MGAT4C: variants seen among roughly 807,000 people sequenced by gnomAD.
MGAT4C encodes alpha-1,3-mannosyl-glycoprotein 4-beta-N-acetylglucosaminyltransferase C.
In MGAT4C, 19 loss-of-function variants were observed where a neutral mutation model predicts 40.1. The ratio of observed to expected loss-of-function variants is 0.47; its 90% CI spans 0.33 to 0.70. The LOEUF is 0.70. Ranked by LOEUF, MGAT4C falls within the 30% of genes least tolerant of loss-of-function variation. MGAT4C has a pLI of 0.02. For synonymous variants in MGAT4C, 181 were observed against 187.1 expected (o/e 0.97, Z 0.27); for missense variants, 491 against 563.2 (o/e 0.87, Z 1.30).
chr12:86,078,136 A>C (rs892379113), intron 1 of MGAT4C, among the ~76,000 whole-genome samples: 1 of 152,138 alleles, frequency 6.6e-6, no homozygotes, highest in Non-Finnish European at 1.5e-5. Flanking sequence ...GGACCCATAA[A>C]TCATGGCTAT....
At chr12:86,822,564 A>ACT (rs1555233832) in intron 1 of MGAT4C, among the ~76,000 whole-genome samples, 2 of 83,868 alleles carry the variant, frequency 2.4e-5, no homozygotes, top group African/African-American at 6.4e-5. Flanking sequence ...GACAAAATAG[A>ACT]CTTCAAGTCA....
At chr12:86,781,084 A>C (rs1951832619) in intron 1 of MGAT4C, among the ~76,000 whole-genome samples, 1 of 151,936 alleles carries the variant, frequency 6.6e-6, no homozygotes, top group Non-Finnish European at 1.5e-5. Context: ...ATAGACACTT[A>C]GCTCTATGCC....
rs147190896 is a variant in MGAT4C at position 85,989,358 on chromosome 12, T to C, written c.147+42A>G. The C allele has an allele frequency of 2.4e-5, 36 of 1,513,120 alleles. No individual in the cohort carries two copies. The East Asian group carries it at 2.6e-4, about 11-fold the overall frequency. The allele number at this position is 1,513,120 out of a possible 1,614,324, so 93.7% of individuals were successfully genotyped here. A position where few individuals can be genotyped will look rare whatever the true frequency, so the allele number is the denominator to read the frequency against. Reference sequence around the variant, plus strand: ...ATGGGACTAATTCTTGTTTGACTTATGCCTTATTTTGAAGAAAAGACAATC... The same window carrying C: ...ATGGGACTAATTCTTGTTTGACTTACGCCTTATTTTGAAGAAAAGACAATC... On this transcript the variant is annotated intron_variant, in intron 3 of 4. Transcript: ENST00000611864.
At chr12:86,717,667 T>G (rs765458931) in intron 2 of MGAT4C, among the ~76,000 whole-genome samples, 15 of 152,032 alleles carry the variant, frequency 9.9e-5, no homozygotes, top group Non-Finnish European at 2.1e-4. Context: ...CAATGGAAGA[T>G]AACATAAAAA....
chr12:86,200,127 G>GTTTTTTTTTTTTTTTTTTTTTT (rs56844963), intron 1 of MGAT4C, among the ~76,000 whole-genome samples: 3 of 102,352 alleles, frequency 2.9e-5, no homozygotes, highest in East Asian at 3.1e-4. Context: ...GTATGTATTT[G>GTTTTTTTTTTTTTTTTTTTTTT]TTTTTTTTTT....
intron 2 of MGAT4C, among the ~76,000 whole-genome samples, chr12:86,491,329 A>C (rs1165792526): frequency 6.6e-6 from 1 of 152,154 alleles, no homozygotes. Flanking sequence ...AAAGCTGGGC[A>C]GAGACACAAC....
chr12:86,299,182 C>G (rs1953751780), intron 4 of MGAT4C, among the ~76,000 whole-genome samples: 1 of 152,182 alleles, frequency 6.6e-6, no homozygotes, highest in Non-Finnish European at 1.5e-5. Context: ...GTGGCGCGAT[C>G]TCGGCTCACT....
intron 4 of MGAT4C, among the ~76,000 whole-genome samples, chr12:86,278,881 T>C (rs1402144017): frequency 6.6e-6 from 1 of 151,808 alleles, no homozygotes; most frequent in Admixed American, 6.6e-5. Context: ...GTTTTTATCA[T>C]GAAGTAATGT....
At chr12:86,714,976 T>A (rs907251123) in intron 2 of MGAT4C, among the ~76,000 whole-genome samples, 3 of 152,128 alleles carry the variant, frequency 2.0e-5, no homozygotes, top group Admixed American at 1.3e-4. Context: ...TAAGTTCACT[T>A]CATAACATAC....
intron 1 of MGAT4C, among the ~76,000 whole-genome samples, chr12:86,190,829 G>T (rs200596384): frequency 6.6e-6 from 1 of 151,898 alleles, no homozygotes; most frequent in East Asian, 1.9e-4. Context: ...TTGATTTAAA[G>T]CAAAGAGATA....
Position 86,007,594 on chromosome 12 carries a change from G to A in MGAT4C, c.-6-18042C>T, listed in dbSNP as rs185652321. 2.1e-3 allele frequency among the ~76,000 whole-genome samples: 324 copies of A among 151,574 alleles called. 2 individuals carry two copies. Among genetic ancestry groups the A allele is most frequent in the African/African-American group, 7.2e-3 (299 of 41,370 alleles). On this transcript the variant is annotated intron_variant, in intron 2 of 4. Coordinates refer to ENST00000611864, the MANE Select transcript of MGAT4C (RefSeq NM_001351288.2). ...AAATAAAGTATAAATATCATCATAC[G>A]ACAAACTTTAAAACAAAAATGTGTT...
chr12:86,158,247 A>G (rs1419382031), intron 1 of MGAT4C, among the ~76,000 whole-genome samples: 1 of 152,172 alleles, frequency 6.6e-6, no homozygotes, highest in East Asian at 1.9e-4. Context: ...TATGTCCTAC[A>G]TATCATAAAT....
chr12:86,422,150 A>G (rs1956840577), intron 3 of MGAT4C, among the ~76,000 whole-genome samples: 1 of 152,234 alleles, frequency 6.6e-6, no homozygotes, highest in African/African-American at 2.4e-5. Context: ...AAATGGAGAT[A>G]GCATTAATAT....
chr12:86,369,903 C>G (rs988337102), intron 3 of MGAT4C, among the ~76,000 whole-genome samples: 1 of 151,958 alleles, frequency 6.6e-6, no homozygotes, highest in East Asian at 1.9e-4. Context: ...TTCTCTGATT[C>G]CAGCTGACTA....
intron 2 of MGAT4C, among the ~76,000 whole-genome samples, chr12:86,597,884 T>C (rs1044289037): frequency 6.6e-6 from 1 of 152,122 alleles, no homozygotes; most frequent in African/African-American, 2.4e-5. Context: ...ACTCTTCCTC[T>C]GCTGCAAACC....
At chr12:86,595,530 C>CAA (rs1161021131) in intron 2 of MGAT4C, among the ~76,000 whole-genome samples, 7 of 77,358 alleles carry the variant, frequency 9.0e-5, no homozygotes, top group African/African-American at 1.5e-4. Context: ...AACTCTGTCT[C>CAA]AAAAAAAAAA....
chr12:86,104,980 C>G (rs538205435), intron 1 of MGAT4C, among the ~76,000 whole-genome samples: 1 of 152,094 alleles, frequency 6.6e-6, no homozygotes, highest in Non-Finnish European at 1.5e-5. Context: ...CTTAACTATC[C>G]GTGGTACTAA....
At chr12:86,726,243 G>T (rs557135218) in intron 2 of MGAT4C, among the ~76,000 whole-genome samples, 1 of 152,276 alleles carries the variant, frequency 6.6e-6, no homozygotes, top group East Asian at 1.9e-4. Context: ...CAGGTCATCA[G>T]GAAGTCACAT....
chr12:86,573,485 GCTTA>G (rs945003232), intron 2 of MGAT4C, among the ~76,000 whole-genome samples: 1 of 151,900 alleles, frequency 6.6e-6, no homozygotes, highest in African/African-American at 2.4e-5. Context: ...TTCAAAACAT[GCTTA>G]CTGTTTGATT....
Sources: allele counts gnomAD v4.1 joint callset (sites outside exome capture counted in the v4.1 genomes callset), GRCh38; gene constraint gnomAD v4.1.1; transcripts MANE v1.5; gene names NCBI Gene and HGNC (gene_info 2026-07-23, HGNC 2026-07-21).